The following TNC variants were observed in gnomAD, a reference collection of about 807,000 sequenced individuals.
TNC encodes tenascin C.
A neutral mutation model predicts 202.4 loss-of-function variants in TNC; 109 were observed. The observed-to-expected ratio is 0.54, with a 90% CI of 0.46 to 0.63. TNC has a LOEUF of 0.63. TNC is among the 30% of genes least tolerant of loss of function. TNC has a pLI of 0.00. For synonymous variants in TNC, 1,007 were observed against 1,089.7 expected (o/e 0.92, Z 1.50); for missense variants, 2,756 against 2,833.3 (o/e 0.97, Z 0.62).
In TNC at chr9:115,064,776, G is replaced by T; in HGVS notation, c.3358C>A (p.Leu1120Ile). The T allele has an allele frequency of 6.2e-7, 1 of 1,614,168 alleles. No homozygotes were observed. The highest frequency in any genetic ancestry group is 8.5e-7 in the Non-Finnish European group (1 of 1,180,026). Reference sequence around the variant, plus strand: ...GCCCGAAGGCTGCCAGGCACGGTGAGGTTCCGAGCTGCCTCCACCTTGTTG... The same window carrying T: ...GCCCGAAGGCTGCCAGGCACGGTGATGTTCCGAGCTGCCTCCACCTTGTTG... ...EANKVEAARN[L>I]TVPGSLRAVD... The change falls in exon 11 of 28, where the codon CTC becomes ATC. Residue 1120 changes from leucine (L) to isoleucine (I), a missense_variant. Coordinates refer to ENST00000350763, the MANE Select transcript of TNC (RefSeq NM_002160.4).
In TNC at chr9:115,087,344, C is replaced by A. The variant is rs566550779; in HGVS notation, c.458-71G>T. The A allele has an allele frequency of 2.4e-4, 358 of 1,503,466 alleles. 5 individuals are homozygous for A. The South Asian group carries it at 4.1e-3, about 17-fold the overall frequency. 93.1% of individuals were successfully genotyped at this position (1,503,466 alleles called of 1,614,324 possible). On this transcript the variant is annotated intron_variant, in intron 2 of 27. Transcript: ENST00000350763. Reference sequence around the variant, plus strand: ...CATTTTTCTGTATCTACCCAGGGCACCCAGATTCAAATTCAGCTGAAGGAC... The same window carrying A: ...CATTTTTCTGTATCTACCCAGGGCAACCAGATTCAAATTCAGCTGAAGGAC...
chr9:115,075,355 G>A (rs1401583593), intron 9 of TNC, among the ~76,000 whole-genome samples: 3 of 152,094 alleles, frequency 2.0e-5, no homozygotes, highest in Admixed American at 6.5e-5. Flanking sequence ...CTTGACAGGG[G>A]TATAAAAGTT....
Position 115,023,966 on chromosome 9 carries a change from C to T in TNC, c.6495+7G>A, listed in dbSNP as rs1587981083. 6.2e-7 allele frequency: 1 copy of T among 1,612,572 alleles called. No individual in the cohort carries two copies. Among genetic ancestry groups the T allele is most frequent in the East Asian group, 2.2e-5 (1 of 44,838 alleles). On this transcript the variant is annotated splice_region_variant and intron_variant, in intron 27 of 27. Transcript: ENST00000350763. Reference sequence around the variant, plus strand: ...TGGCCTGCTCTGGGCCCTCACGGTCCACTCACCTGACTGTGGTTATTGTCC... The same window carrying T: ...TGGCCTGCTCTGGGCCCTCACGGTCTACTCACCTGACTGTGGTTATTGTCC...
Position 115,021,154 on chromosome 9 carries a change from A to G in TNC, c.*3T>C, listed in dbSNP as rs1275455768. ...TCCTCTCTCACCCAGTGGTCCCTGGAATTTATGCCCGTTTGCGCCTGCCTT... is the reference window on the plus strand; with the variant it reads ...TCCTCTCTCACCCAGTGGTCCCTGGGATTTATGCCCGTTTGCGCCTGCCTT... On this transcript the variant is annotated 3_prime_UTR_variant, in exon 28 of 28. Transcript: ENST00000350763. The G allele has an allele frequency of 3.1e-6, 5 of 1,612,604 alleles. No individual in the cohort carries two copies.
intron 15 of TNC, chr9:115,052,854 C>T (rs752245583): frequency 1.7e-5 from 12 of 702,610 alleles, no homozygotes; most frequent in Middle Eastern, 2.3e-4. Context: ...GCTTGCTTTG[C>T]ATCTCCTGAG....
Position 115,064,643 on chromosome 9 carries a change from A to T in TNC, c.3487+4T>A. 1 of 1,590,344 alleles carries T rather than the reference A, an allele frequency of 6.3e-7. No homozygotes were observed. Among genetic ancestry groups the T allele is most frequent in the Non-Finnish European group, 8.6e-7 (1 of 1,164,848 alleles). On this transcript the variant is annotated splice_donor_region_variant and intron_variant, in intron 11 of 27. Transcript: ENST00000350763. ...GAAGCTATAAATAGAAAGGAAAGAG[A>T]TACCTGTGGAGGCCTCAGCAGAGAG...
intron 19 of TNC, 139 bp downstream of exon 19, chr9:115,040,802 T>C: frequency 8.9e-7 from 1 of 1,117,322 alleles, no homozygotes; most frequent in Non-Finnish European, 1.2e-6. Context: ...TCCACTAGGA[T>C]CTCATAAATA....
intron 10 of TNC, among the ~76,000 whole-genome samples, chr9:115,071,319 C>T (rs999432812): frequency 6.6e-6 from 1 of 152,206 alleles, no homozygotes; most frequent in African/African-American, 2.4e-5. Flanking sequence ...GAACTTTGCA[C>T]ATTTTTCCCA....
intron 1 of TNC, among the ~76,000 whole-genome samples, chr9:115,109,862 C>A (rs917338171): frequency 6.6e-6 from 1 of 152,180 alleles, no homozygotes; most frequent in East Asian, 1.9e-4. Context: ...AAGCTCTGGG[C>A]TTTCTGAGCA....
rs149491853 is a variant in TNC at position 115,086,090 on chromosome 9, G to C, written c.1641C>G (p.Cys547Trp). 2 of 1,613,100 alleles carry C rather than the reference G, an allele frequency of 1.2e-6. No individual in the cohort carries two copies. Among genetic ancestry groups the C allele is most frequent in the Non-Finnish European group, 1.7e-6 (2 of 1,179,366 alleles). The change falls in exon 3 of 28, where the codon TGC becomes TGG. Residue 547 changes from cysteine to tryptophan, a missense_variant. Physicochemically the swap from Cys to Trp is radical, Grantham distance 215 (BLOSUM62 -2). Around this residue, in one of 2 missense-constraint regions of TNC, gnomAD observed 2,559 missense variants for 2,546.0 expected, o/e 1.01. Coordinates refer to ENST00000350763, the MANE Select transcript of TNC (RefSeq NM_002160.4). ...HGQGRCVNGQ[C>W]VCHEGFMGKD... ...TGCCCATAAATCCTTCATGGCACAC[G>C]CACTGCCCATTCACACAGCGACCCT...
rs1159426305 is a variant in TNC, at chr9:115,063,105, G to A, written c.3845C>T (p.Thr1282Ile). Reference protein sequence around the residue: ...LRLNWTTPDGTYDQFTIQVQE... With the variant: ...LRLNWTTPDGIYDQFTIQVQE... ...GACCTGAATAGTAAACTGGTCATAG[G>A]TTCCATCTGGCGTGGTCCAGTTCAG... is the stretch of plus-strand genomic sequence containing the variant. Residue 1282 changes from threonine to isoleucine, a missense_variant, in exon 13 of 28, where the codon ACC becomes ATC. Transcript: ENST00000350763. The A allele has an allele frequency of 6.2e-7, 1 of 1,614,036 alleles. No individual in the cohort carries two copies. The highest frequency in any genetic ancestry group is 8.5e-7 in the Non-Finnish European group (1 of 1,180,026).
intron 1 of TNC, among the ~76,000 whole-genome samples, chr9:115,095,787 T>C (rs114214728): frequency 1.3e-5 from 2 of 148,546 alleles, no homozygotes; most frequent in African/African-American, 4.9e-5. Context: ...TAACATAATA[T>C]TACATATTAT....
intron 25 of TNC, among the ~76,000 whole-genome samples, chr9:115,027,327 C>T (rs562511961): frequency 4.6e-5 from 7 of 152,084 alleles, no homozygotes; most frequent in African/African-American, 1.7e-4. Context: ...CGGTGGCTCA[C>T]GCCCATAATC....
chr9:115,072,140 T>C (rs1588125790), intron 10 of TNC, among the ~76,000 whole-genome samples: 1 of 152,034 alleles, frequency 6.6e-6, no homozygotes, highest in South Asian at 2.1e-4. Flanking sequence ...CAGCTAGGAG[T>C]GGCCAATGAA....
chr9:115,041,354 C>T (rs943737804), intron 18 of TNC, among the ~76,000 whole-genome samples: 16 of 150,098 alleles, frequency 1.1e-4, no homozygotes, highest in East Asian at 3.9e-4. Flanking sequence ...GGCAAGTTTC[C>T]GTTCAGTAGA....
At chr9:115,046,301 CAG>C in intron 17 of TNC, 107 bp downstream of exon 17, 1 of 1,293,444 alleles carries the variant, frequency 7.7e-7, no homozygotes. Context: ...GAGTCAGGAT[CAG>C]AGCGCCAGCC....
intron 26 of TNC, among the ~76,000 whole-genome samples, chr9:115,025,572 T>C (rs4979490): frequency 1 from 151,950 of 152,288 alleles, 75,808 homozygotes; most frequent in Non-Finnish European, 1. Context: ...TCTTTGTCAC[T>C]GAGAACATTG....
chr9:115,044,226 T>C (rs11794841), intron 17 of TNC, among the ~76,000 whole-genome samples: 1,498 of 148,838 alleles, frequency 0.01, 9 homozygotes, highest in Non-Finnish European at 0.017. Context: ...GAGTTTACAA[T>C]GGTATGAGGG....
chr9:115,033,918 T>G (rs1468893646), intron 22 of TNC, among the ~76,000 whole-genome samples: 1 of 152,206 alleles, frequency 6.6e-6, no homozygotes, highest in Non-Finnish European at 1.5e-5. Flanking sequence ...AGAGGCTGCT[T>G]GGTGCAAGTC....
Sources: gnomAD v4.1 joint callset for allele counts (sites outside exome capture counted in the v4.1 genomes callset) on GRCh38, gnomAD v4.1.1 for gene constraint, gnomAD v4.1.1 regional missense constraint, MANE v1.5 for transcripts, NCBI Gene and HGNC (gene_info 2026-07-23, HGNC 2026-07-21) for gene names.